BPHL: variants seen among roughly 807,000 people sequenced by gnomAD.
The protein encoded by BPHL is serine hydrolase BPHL.
A neutral mutation model predicts 31.2 loss-of-function variants in BPHL; 27 were observed. That is an observed-to-expected ratio of 0.87 (90% CI 0.64 to 1.19). The LOEUF (loss-of-function observed/expected upper bound fraction) is 1.19. Ranked by LOEUF, BPHL falls within the 50% of genes most tolerant of loss-of-function variation. The pLI, the probability that BPHL is intolerant of heterozygous loss-of-function variation, is 0.00. For synonymous variants in BPHL, 150 were observed against 146.8 expected (o/e 1.02, Z -0.16); for missense variants, 356 against 375.7 (o/e 0.95, Z 0.43).
intron 6 of BPHL, among the ~76,000 whole-genome samples, chr6:3,146,487 G>GGGTTT (rs1762369555): frequency 7.5e-6 from 1 of 133,946 alleles, no homozygotes; most frequent in African/African-American, 3.0e-5. Flanking sequence ...GGTTCCAGCT[G>GGGTTT]GAGTGCTGGT....
At chr6:3,127,501 A>C (rs1042347143) in intron 3 of BPHL, 93 bp downstream of exon 3, 2 of 1,137,008 alleles carry the variant, frequency 1.8e-6, no homozygotes, top group African/African-American at 3.1e-5. Context: ...TTTTCTACAA[A>C]ATAATACCAT....
At chr6:3,118,420 G>A (rs558163190), upstream of BPHL, 152 of 251,298 alleles carry the variant, frequency 6.0e-4, no homozygotes, top group Non-Finnish European at 9.8e-4. Flanking sequence ...CTCCTGGAAA[G>A]GCCATGGTCG....
intron 1 of BPHL, among the ~76,000 whole-genome samples, chr6:3,121,985 G>C (rs1005317784): frequency 3.9e-5 from 6 of 152,304 alleles, no homozygotes; most frequent in African/African-American, 1.4e-4. Context: ...GGTAGGAGTA[G>C]AGAGTATGTA....
At chr6:3,143,000 C>T (rs1383396182) in intron 6 of BPHL, among the ~76,000 whole-genome samples, 2 of 152,148 alleles carry the variant, frequency 1.3e-5, no homozygotes, top group Non-Finnish European at 2.9e-5. Flanking sequence ...GGGCAGATCA[C>T]TTGAGGTCAG....
intron 1 of BPHL, chr6:3,119,467 A>G: frequency 6.2e-7 from 1 of 1,613,906 alleles, no homozygotes; most frequent in Non-Finnish European, 8.5e-7. Context: ...ATGCCCAGGA[A>G]TCTGCTTTAT....
At chr6:3,142,566 ATAT>A (rs962034155) in intron 6 of BPHL, among the ~76,000 whole-genome samples, 6 of 152,224 alleles carry the variant, frequency 3.9e-5, no homozygotes, top group Non-Finnish European at 7.3e-5. Context: ...TTTATGAAAA[ATAT>A]TATCCATTTT....
chr6:3,144,382 T>TTTG (rs536820716), intron 6 of BPHL, among the ~76,000 whole-genome samples: 5,094 of 47,798 alleles, frequency 0.11, 258 homozygotes, highest in African/African-American at 0.23. Flanking sequence ...CTTTTTTTTT[T>TTTG]TTTTTTTTGT....
chr6:3,137,271 T>G, intron 4 of BPHL, 91 bp from the exon 5 acceptor site: 5 of 1,474,102 alleles, frequency 3.4e-6, no homozygotes, highest in African/African-American at 1.4e-5. Context: ...AGTGAGCGCA[T>G]GGGCTCAGAA....
rs1331257011 is a variant in BPHL, at chr6:3,149,056, C to T, written c.789-3432C>T. ...GTACCCGCAGACCCTATGCTGCATA[C>T]GTTGAATCTACTATCTCATTCATCC... is the stretch of plus-strand genomic sequence containing the variant. On this transcript the variant is annotated intron_variant, in intron 6 of 6. Coordinates refer to ENST00000380379, the MANE Select transcript of BPHL (RefSeq NM_004332.4). This position sits in a 1 kb window ranked among gnomAD's most constrained non-coding sequence, Gnocchi z 4.6. Among the ~76,000 whole-genome samples the T allele has an allele frequency of 4.6e-5, 7 of 152,204 alleles. No individual in the cohort carries two copies. The highest frequency in any genetic ancestry group is 8.8e-5 in the Non-Finnish European group (6 of 68,030).
At chr6:3,139,164 G>A (rs977756194) in intron 5 of BPHL, 1 of 152,206 alleles carries the variant, frequency 6.6e-6, no homozygotes, top group Non-Finnish European at 1.5e-5. Context: ...AGCTGTTGTT[G>A]TGGGGATTAA....
At chr6:3,147,497 G>A (rs951482063) in intron 6 of BPHL, among the ~76,000 whole-genome samples, 7 of 151,950 alleles carry the variant, frequency 4.6e-5, no homozygotes, top group African/African-American at 7.3e-5. Flanking sequence ...GCAGTGGCCC[G>A]ATCATAGCTC....
intron 1 of BPHL, 51 bp from the exon 2 acceptor site, chr6:3,123,606 A>G: frequency 1.3e-6 from 2 of 1,522,140 alleles, no homozygotes; most frequent in East Asian, 2.3e-5. Context: ...CAACTAAGAA[A>G]TCTTCCCATC....
At chr6:3,121,584 C>T (rs769851559) in intron 1 of BPHL, among the ~76,000 whole-genome samples, 5 of 152,032 alleles carry the variant, frequency 3.3e-5, no homozygotes, top group African/African-American at 7.2e-5. Flanking sequence ...CCCAAAGTAT[C>T]GGGATTACAG....
In BPHL at chr6:3,152,872, G is replaced by T; in HGVS notation, c.*297G>T. 1 of 211,524 alleles carries T rather than the reference G, an allele frequency of 4.7e-6. No homozygotes were observed. The highest frequency in any genetic ancestry group is 1.2e-4 in the South Asian group (1 of 8,008). 13.1% of individuals were successfully genotyped at this position (211,524 alleles called of 1,614,324 possible). ...GGAGACTCCGGCTCTACAAAAAAGAGTTTTTCAAAATTAGCCAGGCGAAGT... is the reference window on the plus strand; with the variant it reads ...GGAGACTCCGGCTCTACAAAAAAGATTTTTTCAAAATTAGCCAGGCGAAGT... On this transcript the variant is annotated 3_prime_UTR_variant, in exon 7 of 7. Transcript: ENST00000380379.
rs1016307659 is a variant in BPHL, at chr6:3,143,743, A to G, written c.788+3234A>G. Among the ~76,000 whole-genome samples the G allele has an allele frequency of 2.0e-5, 3 of 152,192 alleles. No individual in the cohort carries two copies. The East Asian group carries it at 5.8e-4, about 29-fold the overall frequency. On this transcript the variant is annotated intron_variant, in intron 6 of 6. Transcript: ENST00000380379. ...AAACACTCTACCCAAAGGAGGTCAC[A>G]CTCTGAGATGCTGGGGGTCAGGATC...
intron 4 of BPHL, among the ~76,000 whole-genome samples, chr6:3,131,904 G>T (rs1416824211): frequency 6.6e-6 from 1 of 152,166 alleles, no homozygotes; most frequent in East Asian, 1.9e-4. Context: ...AGACCTGGCG[G>T]TGCTCTCCCT....
intron 6 of BPHL, among the ~76,000 whole-genome samples, chr6:3,145,151 CGAGTGCTGGTTCAGGGTG>C (rs1561799620): frequency 2.9e-4 from 31 of 105,630 alleles, no homozygotes; most frequent in South Asian, 1.3e-3. Flanking sequence ...TGGTTTGGGT[CGAGTGCTGGTTCAGGGTG>C]GAGTGCTGGT....
intron 6 of BPHL, among the ~76,000 whole-genome samples, chr6:3,152,200 C>G (rs1039088410): frequency 6.6e-6 from 1 of 152,230 alleles, no homozygotes. Flanking sequence ...AGTCCGTTTT[C>G]CAGTCAAACC....
intron 4 of BPHL, among the ~76,000 whole-genome samples, chr6:3,130,026 C>T (rs982928310): frequency 1.3e-5 from 2 of 152,062 alleles, no homozygotes; most frequent in Non-Finnish European, 2.9e-5. Context: ...AGGCTGGTTT[C>T]GAATTCCCGA....
Sources: allele counts gnomAD v4.1 joint callset (sites outside exome capture counted in the v4.1 genomes callset), GRCh38; gene constraint gnomAD v4.1.1; non-coding constraint Gnocchi (gnomAD v3.1); transcripts MANE v1.5; gene names NCBI Gene and HGNC (gene_info 2026-07-23, HGNC 2026-07-21).